The following CNTN5 variants were observed in gnomAD, a reference collection of about 807,000 sequenced individuals.
CNTN5 encodes the protein contactin-5.
In CNTN5, 77 loss-of-function variants were observed where a neutral mutation model predicts 129.1. The observed-to-expected ratio is 0.60, with a 90% CI of 0.50 to 0.72. The LOEUF (loss-of-function observed/expected upper bound fraction) is 0.72. Ranked by LOEUF, CNTN5 falls within the 30% of genes least tolerant of loss-of-function variation. The pLI, the probability that CNTN5 is intolerant of heterozygous loss-of-function variation, is 0.00. For synonymous variants in CNTN5, 509 were observed against 465.6 expected, an observed-to-expected ratio of 1.09 and a Z score of -1.20; for missense variants, 1,478 against 1,328.8, an observed-to-expected ratio of 1.11 and a Z score of -1.75.
At chr11:99,631,649 T>C (rs1951355708) in intron 3 of CNTN5, among the ~76,000 whole-genome samples, 1 of 152,066 alleles carries the variant, frequency 6.6e-6, no homozygotes, top group Non-Finnish European at 1.5e-5. Flanking sequence ...AAATACTTTT[T>C]TTTTTACTTT....
Position 99,277,769 on chromosome 11 carries a change from G to C in CNTN5, c.-209-47577G>C, listed in dbSNP as rs189926315. ...TTCCTGAAAAACAACATGTATTATAGTGACTTAGTGTATTTTAAAAAATGG... is the reference window on the plus strand; with the variant it reads ...TTCCTGAAAAACAACATGTATTATACTGACTTAGTGTATTTTAAAAAATGG... On this transcript the variant is annotated intron_variant, in intron 1 of 24. Transcript: ENST00000524871. Among the ~76,000 whole-genome samples the C allele has an allele frequency of 3.3e-5, 5 of 151,662 alleles. No individual in the cohort carries two copies. In the Admixed American group the frequency reaches 3.3e-4, roughly 10 times the overall value.
intron 1 of CNTN5, among the ~76,000 whole-genome samples, chr11:99,128,632 T>G (rs1858770813): frequency 6.6e-6 from 1 of 152,288 alleles, no homozygotes; most frequent in East Asian, 1.9e-4. Context: ...TACAAACTAC[T>G]TCCTTAAGTG....
intron 2 of CNTN5, among the ~76,000 whole-genome samples, chr11:99,329,111 G>A (rs1265345313): frequency 6.6e-6 from 1 of 152,110 alleles, no homozygotes; most frequent in African/African-American, 2.4e-5. Flanking sequence ...TAGGAAATAT[G>A]TTGGTGCATT....
chr11:99,768,952 A>G (rs981549171), intron 3 of CNTN5, among the ~76,000 whole-genome samples: 1 of 152,174 alleles, frequency 6.6e-6, no homozygotes. Flanking sequence ...ATAGAACACA[A>G]AATAAAAACT....
chr11:99,316,590 G>A (rs1220472448), intron 1 of CNTN5, among the ~76,000 whole-genome samples: 1 of 151,914 alleles, frequency 6.6e-6, no homozygotes, highest in Non-Finnish European at 1.5e-5. Context: ...ACGACCCTTC[G>A]GTGGAGGATT....
intron 4 of CNTN5, among the ~76,000 whole-genome samples, chr11:99,835,350 AG>A (rs940851011): frequency 6.6e-6 from 1 of 152,182 alleles, no homozygotes; most frequent in Non-Finnish European, 1.5e-5. Flanking sequence ...GGTTGGGATG[AG>A]GGTTCCTATG....
chr11:99,610,628 G>A (rs781138232), intron 3 of CNTN5, among the ~76,000 whole-genome samples: 11 of 152,192 alleles, frequency 7.2e-5, no homozygotes, highest in South Asian at 2.1e-4. Flanking sequence ...CAGTGCAGAC[G>A]GGAAAATTAC....
chr11:100,167,937 A>G (rs7941829), intron 13 of CNTN5, among the ~76,000 whole-genome samples: 19,662 of 151,966 alleles, frequency 0.13, 1,258 homozygotes, highest in African/African-American at 0.15. Context: ...TACACAAATG[A>G]TAAGAGTGCA....
At chr11:99,394,547 A>G (rs530506735) in intron 2 of CNTN5, among the ~76,000 whole-genome samples, 4 of 151,462 alleles carry the variant, frequency 2.6e-5, no homozygotes, top group African/African-American at 9.6e-5. Flanking sequence ...TGCCCTTTTT[A>G]AAACTTTTAT....
chr11:99,333,980 A>T lies in CNTN5; in HGVS notation c.-71+8496A>T, dbSNP rs752590614. On this transcript the variant is annotated intron_variant, in intron 2 of 24. Transcript: ENST00000524871. ...CTTTCTCTCTCTCTCTCTCACACAC[A>T]CACACACACACACACACAGTGCATT... Among the ~76,000 whole-genome samples the T allele has an allele frequency of 8.6e-3, 1,297 of 150,576 alleles. 7 individuals carry two copies. Among genetic ancestry groups the T allele is most frequent in the Admixed American group, 0.016 (245 of 15,076 alleles).
intron 2 of CNTN5, among the ~76,000 whole-genome samples, chr11:99,445,652 T>C (rs1485532609): frequency 2.6e-5 from 4 of 152,222 alleles, no homozygotes; most frequent in Non-Finnish European, 5.9e-5. Flanking sequence ...TGTTGCTGGA[T>C]GGAAGAATAA....
intron 7 of CNTN5, among the ~76,000 whole-genome samples, chr11:99,942,061 G>T (rs1335971619): frequency 6.6e-6 from 1 of 152,032 alleles, no homozygotes; most frequent in African/African-American, 2.4e-5. Flanking sequence ...GAAAATTAGA[G>T]TAATAATACC....
chr11:100,105,562 CG>C (rs1381156255), intron 13 of CNTN5, among the ~76,000 whole-genome samples: 1 of 152,156 alleles, frequency 6.6e-6, no homozygotes, highest in Non-Finnish European at 1.5e-5. Flanking sequence ...AAACCAATAT[CG>C]GAAGGAAGGA....
intron 1 of CNTN5, among the ~76,000 whole-genome samples, chr11:99,225,253 C>T (rs1227232075): frequency 6.6e-6 from 1 of 151,852 alleles, no homozygotes; most frequent in African/African-American, 2.4e-5. Context: ...AGATCGTGGC[C>T]CTCCGTGTGA....
intron 1 of CNTN5, among the ~76,000 whole-genome samples, chr11:99,087,188 C>T (rs1370742694): frequency 6.6e-6 from 1 of 152,164 alleles, no homozygotes; most frequent in African/African-American, 2.4e-5. Context: ...CTAAATCTCA[C>T]AGCAATTCTC....
In CNTN5 at chr11:99,055,022, G is replaced by C. The variant is rs557135109; in HGVS notation, c.-210+33752G>C. On this transcript the variant is annotated intron_variant, in intron 1 of 24. Coordinates refer to ENST00000524871, the MANE Select transcript of CNTN5 (RefSeq NM_014361.4). ...AACTTTAAATCGTAATTACCTAGAA[G>C]GCTTATTAAAACACATATTTCTATG... Among the ~76,000 whole-genome samples the C allele has an allele frequency of 2.6e-5, 4 of 151,938 alleles. No homozygotes were observed. In the South Asian group the frequency reaches 8.3e-4, roughly 32 times the overall value.
At chr11:99,048,214 G>C (rs1408268244) in intron 1 of CNTN5, among the ~76,000 whole-genome samples, 1 of 152,028 alleles carries the variant, frequency 6.6e-6, no homozygotes, top group Non-Finnish European at 1.5e-5. Context: ...TATAGGTAAA[G>C]TCCAAGGTGA....
intron 6 of CNTN5, among the ~76,000 whole-genome samples, chr11:99,881,969 A>G (rs1044249955): frequency 1.3e-5 from 2 of 152,180 alleles, no homozygotes; most frequent in African/African-American, 2.4e-5. Context: ...ATTTACCACT[A>G]CTCTGCTGAG....
intron 2 of CNTN5, among the ~76,000 whole-genome samples, chr11:99,536,671 T>C (rs1186508964): frequency 6.6e-6 from 1 of 152,046 alleles, no homozygotes; most frequent in African/African-American, 2.4e-5. Context: ...GTTCTAGGCA[T>C]TGGAATAAGT....
Sources: gnomAD v4.1 joint callset for allele counts (sites outside exome capture counted in the v4.1 genomes callset) on GRCh38, gnomAD v4.1.1 for gene constraint, MANE v1.5 for transcripts, NCBI Gene and HGNC (gene_info 2026-07-23, HGNC 2026-07-21) for gene names.